DDB2: variants seen among roughly 807,000 people sequenced by gnomAD.
DDB2 encodes DNA damage-binding protein 2.
A neutral mutation model predicts 50.5 loss-of-function variants in DDB2; 27 were observed. The ratio of observed to expected loss-of-function variants is 0.53; its 90% CI spans 0.39 to 0.74. DDB2 has a LOEUF of 0.74. DDB2 is among the 30% of genes least tolerant of loss of function. DDB2 has a pLI of 0.00. For synonymous variants in DDB2, 176 were observed against 205.5 expected (o/e 0.86, Z 1.23); for missense variants, 424 against 545.6 (o/e 0.78, Z 2.22).
At position 47,235,926 on chromosome 11, in the gene DDB2, CTTTTTTTTTTTT is replaced by C. The variant is rs10677833; in HGVS notation, c.1023+526_1023+537del. On this transcript the variant is annotated intron_variant, in intron 7 of 9. Transcript: ENST00000256996. ...TATTCTTGTGTTACCCAGGCTGATC[CTTTTTTTTTTTT>C]TTTTTTTTTTTCTTGAAACGGTCTT... The C allele has an allele frequency of 6.6e-3, 408 of 61,858 alleles. 3 individuals carry two copies. The highest frequency in any genetic ancestry group is 0.026 in the African/African-American group (388 of 15,136). The allele number at this position is 61,858 out of a possible 1,614,324, so 3.8% of individuals were successfully genotyped here. A position where few individuals can be genotyped will look rare whatever the true frequency, so the allele number is the denominator to read the frequency against.
rs904794244 is a variant in DDB2 at position 47,229,733 on chromosome 11, G to A, written c.457-3081G>A. On this transcript the variant is annotated intron_variant, in intron 3 of 9. Coordinates refer to ENST00000256996, the MANE Select transcript of DDB2 (RefSeq NM_000107.3). ...GTATACAAAGTAAGACAGTTGTGAA[G>A]CAATCTGATTGCAGATTCCTTTTAC... is the stretch of plus-strand genomic sequence containing the variant. 7.7e-6 allele frequency: 3 copies of A among 389,318 alleles called. No individual in the cohort carries two copies. The Admixed American group carries it at 1.1e-4, about 14-fold the overall frequency. 24.1% of individuals were successfully genotyped at this position (389,318 alleles called of 1,614,324 possible).
upstream of DDB2, chr11:47,214,938 G>A (rs899281576): frequency 6.6e-5 from 46 of 701,398 alleles, no homozygotes; most frequent in Non-Finnish European, 1.0e-4. Context: ...GGAAGGGGCG[G>A]GGTCTCCGAG....
intron 3 of DDB2, among the ~76,000 whole-genome samples, chr11:47,229,191 A>G (rs2135503358): frequency 1.3e-5 from 2 of 152,164 alleles, no homozygotes; most frequent in Middle Eastern, 6.8e-3. Flanking sequence ...GGCAGGTGGC[A>G]GCTCAGTACA....
intron 6 of DDB2, 121 bp from the exon 7 acceptor site, chr11:47,235,149 C>G: frequency 1.4e-6 from 2 of 1,462,606 alleles, no homozygotes; most frequent in Non-Finnish European, 1.9e-6. Flanking sequence ...TTCACCTCTT[C>G]CTTTCCGCTC....
chr11:47,215,255 A>G lies in DDB2; in HGVS notation c.119A>G (p.Lys40Arg). 6.2e-7 allele frequency: 1 copy of G among 1,613,856 alleles called. No individual in the cohort carries two copies. The highest frequency in any genetic ancestry group is 8.5e-7 in the Non-Finnish European group (1 of 1,179,990). The change falls in exon 1 of 10, where the codon AAG becomes AGG. Residue 40 changes from lysine to arginine, a missense_variant. Lys to Arg is a conservative substitution (Grantham distance 26). Transcript: ENST00000256996. ...CCCGAGGCCAAGAAGCTCTGTGCGA[A>G]GGGCTCCGGTACTGCCTGTGCCTGC... Reference protein sequence around the residue: ...LEPEAKKLCAKGSGPSRRCDS... With the variant: ...LEPEAKKLCARGSGPSRRCDS...
rs750932875 is a variant in DDB2, at chr11:47,237,861, C to T, written c.1048C>T (p.Leu350Phe). 1.2e-6 allele frequency: 2 copies of T among 1,614,140 alleles called. No individual in the cohort carries two copies. Among genetic ancestry groups the T allele is most frequent in the Admixed American group, 1.7e-5 (1 of 60,000 alleles). The change falls in exon 8 of 10, where the codon CTC (leucine) becomes TTC (phenylalanine). Residue 350 changes from leucine to phenylalanine, a missense_variant. Physicochemically the swap from Leu to Phe is conservative, Grantham distance 22. Transcript: ENST00000256996. ...IKAAWHPRYNLIVVGRYPDPN... is the reference protein window; with the variant it reads ...IKAAWHPRYNFIVVGRYPDPN... Reference sequence around the variant, plus strand: ...GGCAGCCTGGCATCCTCGCTACAACCTCATTGTTGTGGGCCGATACCCAGA... The same window carrying T: ...GGCAGCCTGGCATCCTCGCTACAACTTCATTGTTGTGGGCCGATACCCAGA...
chr11:47,236,982 T>C (rs1953734416), intron 7 of DDB2, among the ~76,000 whole-genome samples: 1 of 152,254 alleles, frequency 6.6e-6, no homozygotes, highest in Admixed American at 6.5e-5. Context: ...TTGAGAAGTT[T>C]AGGAAAATCC....
intron 3 of DDB2, among the ~76,000 whole-genome samples, chr11:47,227,603 C>T (rs554168564): frequency 4.6e-5 from 7 of 151,646 alleles, no homozygotes; most frequent in African/African-American, 1.5e-4. Flanking sequence ...CTCCACCTCC[C>T]GGGTTCAAGC....
intron 9 of DDB2, among the ~76,000 whole-genome samples, 197 bp downstream of exon 9, chr11:47,238,380 T>A (rs540850799): frequency 5.3e-5 from 8 of 151,982 alleles, no homozygotes; most frequent in Admixed American, 5.2e-4. Context: ...AATGCCTGGC[T>A]ACTGTCCAGT....
rs767157750 is a variant in DDB2, at chr11:47,234,800, C to T, written c.746C>T (p.Ala249Val). The change falls in exon 6 of 10, where the codon GCC becomes GTC. Residue 249 changes from alanine to valine, a missense_variant. By Grantham distance (64) the Ala-to-Val change is moderately conservative (BLOSUM62 0). Transcript: ENST00000256996. ...CACAAAAAGAAAGTGACGCATGTGGCCCTGAACCCATGCTGTGATTGGTTC... is the reference window on the plus strand; with the variant it reads ...CACAAAAAGAAAGTGACGCATGTGGTCCTGAACCCATGCTGTGATTGGTTC... ...RMHKKKVTHVALNPCCDWFLA... is the reference protein window; with the variant it reads ...RMHKKKVTHVVLNPCCDWFLA... 1 of 1,614,186 alleles carries T rather than the reference C, an allele frequency of 6.2e-7. No individual in the cohort carries two copies. Among genetic ancestry groups the T allele is most frequent in the Non-Finnish European group, 8.5e-7 (1 of 1,180,030 alleles).
intron 3 of DDB2, chr11:47,217,496 CTG>C (rs1953417975): frequency 6.5e-6 from 1 of 153,390 alleles, no homozygotes; most frequent in Admixed American, 6.5e-5. Flanking sequence ...TCAAAATTAA[CTG>C]TGGGCATTTT....
intron 7 of DDB2, among the ~76,000 whole-genome samples, chr11:47,236,947 A>G (rs1470135217): frequency 1.3e-5 from 2 of 152,156 alleles, no homozygotes; most frequent in African/African-American, 2.4e-5. Flanking sequence ...CCTGCTAACC[A>G]TGTCTTTCTT....
At chr11:47,219,524 C>T (rs1953452032) in intron 3 of DDB2, among the ~76,000 whole-genome samples, 1 of 152,104 alleles carries the variant, frequency 6.6e-6, no homozygotes, top group African/African-American at 2.4e-5. Context: ...CCATGCCTGG[C>T]TAATTTTTAG....
chr11:47,235,665 C>A (rs1373633998), intron 7 of DDB2: 5 of 547,572 alleles, frequency 9.1e-6, no homozygotes, highest in Non-Finnish European at 1.6e-5. Context: ...TCTGATCTCA[C>A]TGTGAGAATT....
At chr11:47,232,433 C>T (rs1953662550) in intron 3 of DDB2, among the ~76,000 whole-genome samples, 1 of 151,874 alleles carries the variant, frequency 6.6e-6, no homozygotes, top group South Asian at 2.1e-4. Context: ...AGGGGGATCG[C>T]TTGAGCTTAG....
At chr11:47,222,649 T>C (rs1953502761) in intron 3 of DDB2, among the ~76,000 whole-genome samples, 1 of 152,216 alleles carries the variant, frequency 6.6e-6, no homozygotes, top group African/African-American at 2.4e-5. Context: ...CCCAGCCACA[T>C]TGTACTGATA....
intron 3 of DDB2, among the ~76,000 whole-genome samples, chr11:47,223,879 G>A (rs1953521831): frequency 6.6e-6 from 1 of 152,140 alleles, no homozygotes; most frequent in African/African-American, 2.4e-5. Context: ...CTGAGGCTGG[G>A]GGACCTCTTG....
At chr11:47,227,466 T>C (rs948122723) in intron 3 of DDB2, among the ~76,000 whole-genome samples, 18 of 152,032 alleles carry the variant, frequency 1.2e-4, no homozygotes, top group African/African-American at 4.3e-4. Context: ...CTTCATAGAT[T>C]GCCTTTTCAC....
Position 47,238,201 on chromosome 11 carries a change from GTC to G in DDB2, c.1234+22_1234+23del. 1 of 1,603,260 alleles carries G rather than the reference GTC, an allele frequency of 6.2e-7. No individual in the cohort carries two copies. The highest frequency in any genetic ancestry group is 8.5e-7 in the Non-Finnish European group (1 of 1,174,102). On this transcript the variant is annotated intron_variant, in intron 9 of 9. Transcript: ENST00000256996. ...TGCAATGGGTGAGTAGGAGGAGAAT[GTC>G]TCTGACTTGCCAAGTCCGATCCTAC...
Sources: allele counts gnomAD v4.1 joint callset (sites outside exome capture counted in the v4.1 genomes callset), GRCh38; gene constraint gnomAD v4.1.1; transcripts MANE v1.5; gene names NCBI Gene and HGNC (gene_info 2026-07-23, HGNC 2026-07-21).